The following C1QTNF6 variants were observed in gnomAD, a reference collection of about 807,000 sequenced individuals.
The protein encoded by C1QTNF6 is C1q and TNF related 6, also known as complement C1q tumor necrosis factor-related protein 6.
In C1QTNF6, 17 loss-of-function variants were observed where a neutral mutation model predicts 20.7. The observed-to-expected ratio is 0.82, with a 90% CI of 0.56 to 1.23. C1QTNF6 has a LOEUF of 1.23. Among genes scored for constraint, C1QTNF6 ranks in the 50% most tolerant of loss-of-function variants. C1QTNF6 has a pLI of 0.00. For synonymous variants in C1QTNF6, 130 were observed against 156.3 expected (o/e 0.83, Z 1.25); for missense variants, 329 against 389.7 (o/e 0.84, Z 1.31).
rs1192558936 is a variant in C1QTNF6, at chr22:37,184,245, G to A, written c.289+973C>T. 1 of 672,164 alleles carries A rather than the reference G, an allele frequency of 1.5e-6. No individual in the cohort carries two copies. Among genetic ancestry groups the A allele is most frequent in the Non-Finnish European group, 2.8e-6 (1 of 359,336 alleles). The allele number at this position is 672,164 out of a possible 1,614,324, so 41.6% of individuals were successfully genotyped here. A position where few individuals can be genotyped will look rare whatever the true frequency, so the allele number is the denominator to read the frequency against. On this transcript the variant is annotated intron_variant, in intron 2 of 2. Transcript: ENST00000337843. This position sits in a 1 kb window ranked among gnomAD's most constrained non-coding sequence, Gnocchi z 4.0. ...GTGAGTGTCCCCGGGGAGAGCTCAG[G>A]AACAAATCCTGGCTCCATCCCTGAC...
rs1276537002 is a variant in C1QTNF6 at position 37,182,445 on chromosome 22, TGAA to T, written c.577_579del (p.Phe193del). ...TAATTCCAGCTGTGCACATTGAGGC[TGAA>T]GAAGTAGATGCCACGCAGGGGAGCA... On this transcript the variant is annotated inframe_deletion, in exon 3 of 3. Coordinates refer to ENST00000337843, the MANE Select transcript of C1QTNF6 (RefSeq NM_031910.4). 5.6e-6 allele frequency: 9 copies of T among 1,614,258 alleles called. No individual in the cohort carries two copies. Among genetic ancestry groups the T allele is most frequent in the African/African-American group, 1.3e-5 (1 of 75,076 alleles).
chr22:37,183,074 C>T (rs1923946919), intron 2 of C1QTNF6: 2 of 339,750 alleles, frequency 5.9e-6, no homozygotes, highest in African/African-American at 2.3e-5. Context: ...GAGGCCAGGC[C>T]CAGGCCCCCA....
At chr22:37,190,287 T>C (rs1436048719), upstream of C1QTNF6, among the ~76,000 whole-genome samples, 1 of 152,236 alleles carries the variant, frequency 6.6e-6, no homozygotes, top group Non-Finnish European at 1.5e-5. Flanking sequence ...TTGCATAAAG[T>C]GCAGCAAGTA....
intron 1 of C1QTNF6, chr22:37,195,741 C>T (rs935893156): frequency 3.3e-5 from 5 of 152,196 alleles, no homozygotes; most frequent in East Asian, 1.9e-4. Context: ...GAGTTCCTCC[C>T]GCTTTTAGAC....
upstream of C1QTNF6, among the ~76,000 whole-genome samples, chr22:37,192,297 TA>T (rs199745455): frequency 6.7e-3 from 1,025 of 152,382 alleles, 8 homozygotes; most frequent in African/African-American, 0.024. Flanking sequence ...ATTACGATGT[TA>T]ACTCTTAGCA....
At chr22:37,189,403 G>A (rs1407237588), upstream of C1QTNF6, among the ~76,000 whole-genome samples, 1 of 152,146 alleles carries the variant, frequency 6.6e-6, no homozygotes, top group Non-Finnish European at 1.5e-5. Context: ...TCCTGGGAAT[G>A]CAGCCTGGCA....
At position 37,182,172 on chromosome 22, in the gene C1QTNF6, G is replaced by C; in HGVS notation, c.*16C>G. On this transcript the variant is annotated 3_prime_UTR_variant, in exon 3 of 3. Coordinates refer to ENST00000337843, the MANE Select transcript of C1QTNF6 (RefSeq NM_031910.4). ...AGCACCTGAGCTCTCCAGCCGGGAG[G>C]GTGGCCCAGAGGCCCTCAGTCGTCC... The C allele has an allele frequency of 5.0e-6, 8 of 1,596,978 alleles. No homozygotes were observed. The highest frequency in any genetic ancestry group is 1.1e-5 in the South Asian group (1 of 88,102).
chr22:37,199,262 C>T (rs992551358), upstream of C1QTNF6: 7 of 152,356 alleles, frequency 4.6e-5, no homozygotes, highest in African/African-American at 9.6e-5. Context: ...CCGCTTCCCC[C>T]TCAAACCCTG....
chr22:37,195,447 C>T (rs1925082854), exon 2 of C1QTNF6: 1 of 152,158 alleles, frequency 6.6e-6, no homozygotes, highest in Admixed American at 6.5e-5. Flanking sequence ...GGTATCGTCC[C>T]TTCGTGGTTC....
upstream of C1QTNF6, chr22:37,190,815 AC>A (rs1223834125): frequency 2.0e-5 from 3 of 152,250 alleles, no homozygotes; most frequent in African/African-American, 7.2e-5. Context: ...AGAGAAAAAA[AC>A]ATATTCCAAA....
rs898320064 is a variant in C1QTNF6 at position 37,184,362 on chromosome 22, G to A, written c.289+856C>T. 17 of 717,258 alleles carry A rather than the reference G, an allele frequency of 2.4e-5. 1 individual carries two copies. Among genetic ancestry groups the A allele is most frequent in the Admixed American group, 1.0e-4 (5 of 50,016 alleles). The allele number at this position is 717,258 out of a possible 1,614,324, so 44.4% of individuals were successfully genotyped here. A position where few individuals can be genotyped will look rare whatever the true frequency, so the allele number is the denominator to read the frequency against. ...CTCACGGGCTGTTGTGGGCAGAGACGGACGCTAAGGATGTCAAGGCCTGGT... is the reference window on the plus strand; with the variant it reads ...CTCACGGGCTGTTGTGGGCAGAGACAGACGCTAAGGATGTCAAGGCCTGGT... On this transcript the variant is annotated intron_variant, in intron 2 of 2. Coordinates refer to ENST00000337843, the MANE Select transcript of C1QTNF6 (RefSeq NM_031910.4). This position sits in a 1 kb window ranked among gnomAD's most constrained non-coding sequence, Gnocchi z 4.0.
Position 37,182,021 on chromosome 22 carries a change from T to TA in C1QTNF6, c.*166dup, listed in dbSNP as rs1923805247. ...CCAAGAGAGAAGAGAGGAGCAGAAA[T>TA]AGGCTGGGAGGGATGATGGCAGCCA... is the stretch of plus-strand genomic sequence containing the variant. On this transcript the variant is annotated 3_prime_UTR_variant, in exon 3 of 3. Transcript: ENST00000337843. 1.4e-6 allele frequency: 1 copy of TA among 702,360 alleles called. No homozygotes were observed. The highest frequency in any genetic ancestry group is 2.3e-6 in the Non-Finnish European group (1 of 433,084). The allele number at this position is 702,360 out of a possible 1,614,324, so 43.5% of individuals were successfully genotyped here.
In C1QTNF6 at chr22:37,181,032, A is replaced by C. The variant is rs1455843484; in HGVS notation, c.*1156T>G. ...CTGGGCAGGTGGATGAGGAACGGGA[A>C]GGAGATACCTGCCCCTGCCACCGGG... On this transcript the variant is annotated 3_prime_UTR_variant, in exon 3 of 3. Transcript: ENST00000337843. The C allele has an allele frequency of 1.3e-5, 2 of 152,494 alleles. No homozygotes were observed. Among genetic ancestry groups the C allele is most frequent in the East Asian group, 3.8e-4 (2 of 5,202 alleles). 9.4% of individuals were successfully genotyped at this position (152,494 alleles called of 1,614,324 possible). A position where few individuals can be genotyped will look rare whatever the true frequency, so the allele number is the denominator to read the frequency against.
intron 1 of C1QTNF6, chr22:37,195,802 T>C (rs769601216): frequency 1.3e-5 from 2 of 152,236 alleles, no homozygotes; most frequent in Non-Finnish European, 2.9e-5. Context: ...ATTGTCATGG[T>C]GCTGGTGGGA....
At chr22:37,187,561 T>C (rs1924463831) in intron 1 of C1QTNF6, among the ~76,000 whole-genome samples, 1 of 109,102 alleles carries the variant, frequency 9.2e-6, no homozygotes, top group African/African-American at 4.1e-5. Flanking sequence ...AGTGCCTGCC[T>C]TATAAAAGAC....
At chr22:37,183,596 G>A (rs778396129) in intron 2 of C1QTNF6, among the ~76,000 whole-genome samples, 5 of 152,216 alleles carry the variant, frequency 3.3e-5, no homozygotes, top group South Asian at 2.1e-4. Context: ...GGAGTCACAC[G>A]AGCAACCACA....
rs184590898 is a variant in C1QTNF6, at chr22:37,183,801, G to T, written c.290-1066C>A. On this transcript the variant is annotated intron_variant, in intron 2 of 2. Transcript: ENST00000337843. Reference sequence around the variant, plus strand: ...GCTCTAGACCTTGTGCAGGAAGTTTGTTGTGCCCCAGCCCAAGGAAAGGAA... The same window carrying T: ...GCTCTAGACCTTGTGCAGGAAGTTTTTTGTGCCCCAGCCCAAGGAAAGGAA... Among the ~76,000 whole-genome samples the T allele has an allele frequency of 3.9e-5, 6 of 152,360 alleles. No individual in the cohort carries two copies. In the East Asian group the frequency reaches 7.7e-4, roughly 20 times the overall value.
chr22:37,187,408 T>G (rs187185609), intron 1 of C1QTNF6, among the ~76,000 whole-genome samples: 1 of 152,236 alleles, frequency 6.6e-6, no homozygotes, highest in East Asian at 1.9e-4. Context: ...TAGAGTCAAA[T>G]CTGAGACCCA....
exon 2 of C1QTNF6, chr22:37,195,450 C>A (rs917613583): frequency 1.3e-5 from 2 of 152,152 alleles, no homozygotes; most frequent in Non-Finnish European, 1.5e-5. Context: ...ATCGTCCCTT[C>A]GTGGTTCACT....
Sources: allele counts gnomAD v4.1 joint callset (sites outside exome capture counted in the v4.1 genomes callset), GRCh38; gene constraint gnomAD v4.1.1; non-coding constraint Gnocchi (gnomAD v3.1); transcripts MANE v1.5; gene names NCBI Gene and HGNC (gene_info 2026-07-23, HGNC 2026-07-21).